SYN3: variants seen among roughly 807,000 people sequenced by gnomAD.
The protein encoded by SYN3 is synapsin-3.
A neutral mutation model predicts 65.8 loss-of-function variants in SYN3; 35 were observed. The observed-to-expected ratio is 0.53, with a 90% CI of 0.41 to 0.70. SYN3 has a LOEUF of 0.70. Ranked by LOEUF, SYN3 falls within the 30% of genes least tolerant of loss-of-function variation. The probability of loss-of-function intolerance (pLI) is 0.00; values close to 1 mark genes in which losing one functional copy is unlikely to be tolerated. For synonymous variants in SYN3, 270 were observed against 292.9 expected (o/e 0.92, Z 0.80); for missense variants, 680 against 749.0 (o/e 0.91, Z 1.08).
chr22:32,973,627 G>A (rs1323745367), intron 3 of SYN3, among the ~76,000 whole-genome samples: 2 of 152,128 alleles, frequency 1.3e-5, no homozygotes, highest in Admixed American at 6.6e-5. Flanking sequence ...CCATCTTCCT[G>A]TAGGATTGCA....
In SYN3 at chr22:32,865,009, G is replaced by C; in HGVS notation, c.622-5C>G. ...GATCTTAATGAGCTGAGAGAACTAG[G>C]ATAGAAGAGGAGAGAACATTGATCA... is the stretch of plus-strand genomic sequence containing the variant. On this transcript the variant is annotated splice_region_variant and splice_polypyrimidine_tract_variant and intron_variant, in intron 5 of 13. Transcript: ENST00000358763. 1 of 1,608,630 alleles carries C rather than the reference G, an allele frequency of 6.2e-7. No homozygotes were observed. The highest frequency in any genetic ancestry group is 8.5e-7 in the Non-Finnish European group (1 of 1,175,038).
chr22:32,786,384 CT>C (rs796702280), intron 6 of SYN3, among the ~76,000 whole-genome samples: 228 of 144,964 alleles, frequency 1.6e-3, no homozygotes, highest in Middle Eastern at 3.6e-3. Flanking sequence ...GCAACTTATT[CT>C]TTTTTTTTTT....
intron 6 of SYN3, among the ~76,000 whole-genome samples, chr22:32,621,297 CTTTT>C (rs58499520): frequency 3.1e-4 from 44 of 140,984 alleles, no homozygotes; most frequent in Admixed American, 1.1e-3. Flanking sequence ...TAACTTTTGC[CTTTT>C]TTTTTTTTTT....
At chr22:32,961,294 C>A (rs1364195905) in intron 3 of SYN3, among the ~76,000 whole-genome samples, 3 of 152,092 alleles carry the variant, frequency 2.0e-5, no homozygotes, top group African/African-American at 7.2e-5. Context: ...ACAGGTTAGG[C>A]TAAGCGTATC....
intron 6 of SYN3, among the ~76,000 whole-genome samples, chr22:32,787,688 TA>T (rs2145863200): frequency 6.6e-6 from 1 of 152,218 alleles, no homozygotes; most frequent in East Asian, 1.9e-4. Context: ...GGACAATTAA[TA>T]AACATTTTAA....
chr22:32,953,555 G>C (rs2051355210), intron 3 of SYN3, among the ~76,000 whole-genome samples: 1 of 152,008 alleles, frequency 6.6e-6, no homozygotes, highest in Admixed American at 6.6e-5. Context: ...TCCAGGCAGA[G>C]AGACCAGCAG....
chr22:32,977,880 G>A (rs2052253674), intron 3 of SYN3, among the ~76,000 whole-genome samples: 1 of 152,110 alleles, frequency 6.6e-6, no homozygotes, highest in Non-Finnish European at 1.5e-5. Flanking sequence ...GTGCTACTTA[G>A]GGTAAGATCC....
intron 6 of SYN3, among the ~76,000 whole-genome samples, chr22:32,820,041 G>A (rs1046751266): frequency 6.6e-6 from 1 of 152,078 alleles, no homozygotes; most frequent in African/African-American, 2.4e-5. Context: ...GGTGTGGGGG[G>A]TGGTGCAAGC....
chr22:32,664,519 G>A (rs1234311978), intron 6 of SYN3, among the ~76,000 whole-genome samples: 2 of 149,474 alleles, frequency 1.3e-5, no homozygotes, highest in Admixed American at 6.7e-5. Context: ...GAGTCCTTTA[G>A]TGGTGATATC....
In SYN3 at chr22:32,510,895, T is replaced by C. The variant is rs1456627375; in HGVS notation, c.*2797A>G. Among the ~76,000 whole-genome samples, 5 of 151,390 alleles carry C rather than the reference T, an allele frequency of 3.3e-5. No homozygotes were observed. The East Asian group carries it at 9.7e-4, about 29-fold the overall frequency. On this transcript the variant is annotated 3_prime_UTR_variant, in exon 14 of 14. Transcript: ENST00000358763. ...GGCAAGTGGGGAAGCCATTCTCCTC[T>C]TGAAGCCGGTTATCAGAGAACTATG...
chr22:32,944,981 C>A (rs1481750934), intron 3 of SYN3, among the ~76,000 whole-genome samples: 1 of 152,218 alleles, frequency 6.6e-6, no homozygotes, highest in Non-Finnish European at 1.5e-5. Context: ...ATCCAACTTA[C>A]AAGGGATGTG....
chr22:32,724,964 C>T (rs191328600), intron 6 of SYN3, among the ~76,000 whole-genome samples: 4 of 152,246 alleles, frequency 2.6e-5, no homozygotes, highest in African/African-American at 7.2e-5. Context: ...ACTAAAGATA[C>T]AAAAAATTAG....
intron 6 of SYN3, among the ~76,000 whole-genome samples, chr22:32,615,489 T>C (rs1181124554): frequency 8.7e-6 from 1 of 115,510 alleles, no homozygotes; most frequent in Admixed American, 8.5e-5. Flanking sequence ...AGAAATGGAG[T>C]CAGGGAGGGA....
At chr22:32,673,515 A>G (rs2060400600) in intron 6 of SYN3, among the ~76,000 whole-genome samples, 1 of 152,252 alleles carries the variant, frequency 6.6e-6, no homozygotes, top group Admixed American at 6.5e-5. Flanking sequence ...GTACTAGGGA[A>G]GGCAGACAAG....
At chr22:32,978,671 T>C (rs2052280310) in intron 3 of SYN3, among the ~76,000 whole-genome samples, 1 of 152,152 alleles carries the variant, frequency 6.6e-6, no homozygotes, top group Admixed American at 6.6e-5. Flanking sequence ...GGACCTCTCA[T>C]CCCTGGCTTC....
chr22:32,600,444 C>T (rs1197615234), intron 6 of SYN3, among the ~76,000 whole-genome samples: 1 of 152,124 alleles, frequency 6.6e-6, no homozygotes, highest in Non-Finnish European at 1.5e-5. Flanking sequence ...CTGTTTCTAA[C>T]AGGCCATGGA....
intron 7 of SYN3, among the ~76,000 whole-genome samples, chr22:32,547,673 C>T (rs2058354924): frequency 6.6e-6 from 1 of 152,184 alleles, no homozygotes; most frequent in African/African-American, 2.4e-5. Context: ...GAAACAGAGG[C>T]AGAGAAAGTG....
chr22:32,641,720 T>C (rs1219532587), intron 6 of SYN3, among the ~76,000 whole-genome samples: 1 of 151,720 alleles, frequency 6.6e-6, no homozygotes, highest in African/African-American at 2.4e-5. Context: ...GAAAATGGTC[T>C]AAAATTGAAG....
chr22:32,829,656 C>T (rs2047518418), intron 6 of SYN3, among the ~76,000 whole-genome samples: 1 of 152,140 alleles, frequency 6.6e-6, no homozygotes, highest in Admixed American at 6.5e-5. Context: ...ACTGGCTGTT[C>T]CCTCCTCCAG....
Sources: allele counts gnomAD v4.1 joint callset (sites outside exome capture counted in the v4.1 genomes callset), GRCh38; gene constraint gnomAD v4.1.1; transcripts MANE v1.5; gene names NCBI Gene and HGNC (gene_info 2026-07-23, HGNC 2026-07-21).